HS3ST3A1: variants seen among roughly 807,000 people sequenced by gnomAD.
HS3ST3A1 encodes heparan sulfate glucosamine 3-O-sulfotransferase 3A1.
HS3ST3A1 carries 19 observed loss-of-function variants against 25.7 expected under a neutral mutation model. The ratio of observed to expected loss-of-function variants is 0.74; its 90% CI spans 0.52 to 1.08. The LOEUF is 1.08. HS3ST3A1 is among the 50% of genes least tolerant of loss of function. HS3ST3A1 has a pLI of 0.00. For synonymous variants in HS3ST3A1, 226 were observed against 278.6 expected (o/e 0.81, Z 1.88); for missense variants, 459 against 594.3 (o/e 0.77, Z 2.37).
rs1415100280 is a variant in HS3ST3A1, at chr17:13,508,792, A to C, written c.600-11974T>G. On this transcript the variant is annotated intron_variant, in intron 1 of 1. Coordinates refer to ENST00000284110, the MANE Select transcript of HS3ST3A1 (RefSeq NM_006042.3). ...ACAACACTGAAAACTAAAATTCACA[A>C]ACAACCTAATTATGTCAGAATCTGT... Among the ~76,000 whole-genome samples the C allele has an allele frequency of 3.3e-5, 5 of 152,194 alleles. No individual in the cohort carries two copies. In the East Asian group the frequency reaches 9.6e-4, roughly 29 times the overall value.
chr17:13,583,351 A>G (rs1908165033), intron 1 of HS3ST3A1, among the ~76,000 whole-genome samples: 1 of 151,912 alleles, frequency 6.6e-6, no homozygotes, highest in Non-Finnish European at 1.5e-5. Context: ...AGTTGTGTGG[A>G]GTTTCTGGTC....
intron 1 of HS3ST3A1, among the ~76,000 whole-genome samples, chr17:13,502,813 C>T (rs1393983884): frequency 4.6e-5 from 7 of 150,738 alleles, no homozygotes; most frequent in Admixed American, 2.6e-4. Context: ...TGGAAGGAAA[C>T]GTAGAACATC....
intron 1 of HS3ST3A1, among the ~76,000 whole-genome samples, chr17:13,513,460 T>C (rs780032578): frequency 9.9e-5 from 15 of 152,042 alleles, no homozygotes; most frequent in Non-Finnish European, 2.1e-4. Context: ...ACTTAGAAAA[T>C]TCCCAGAGAA....
intron 1 of HS3ST3A1, among the ~76,000 whole-genome samples, chr17:13,528,398 A>G (rs1367875752): frequency 6.6e-6 from 1 of 152,222 alleles, no homozygotes. Flanking sequence ...TTTAGGCTCC[A>G]TCTCACTCTC....
Position 13,591,021 on chromosome 17 carries a change from T to C in HS3ST3A1, c.599+9510A>G, listed in dbSNP as rs573468082. ...ATTCCAGATTCAGCAAGCGTCCTTC[T>C]GATTACATTTATTTTCTTTTTCTTT... On this transcript the variant is annotated intron_variant, in intron 1 of 1. Coordinates refer to ENST00000284110, the MANE Select transcript of HS3ST3A1 (RefSeq NM_006042.3). 2.5e-3 allele frequency among the ~76,000 whole-genome samples: 374 copies of C among 151,630 alleles called. 1 individual carries two copies. The highest frequency in any genetic ancestry group is 8.6e-3 in the African/African-American group (353 of 41,272).
chr17:13,514,998 A>G (rs986689428), intron 1 of HS3ST3A1, among the ~76,000 whole-genome samples: 2 of 152,242 alleles, frequency 1.3e-5, no homozygotes, highest in Admixed American at 1.3e-4. Flanking sequence ...TTCCTAAACT[A>G]GTACTTACAT....
chr17:13,563,126 C>G (rs147859062), intron 1 of HS3ST3A1, among the ~76,000 whole-genome samples: 147 of 151,664 alleles, frequency 9.7e-4, no homozygotes, highest in African/African-American at 3.3e-3. Context: ...ATCACTTTAT[C>G]TAACCTTCCC....
Position 13,496,380 on chromosome 17 carries a change from G to A in HS3ST3A1, c.1038C>T (p.Thr346=), listed in dbSNP as rs752152515. Residue 346 remains threonine (T), a synonymous_variant, in exon 2 of 2, where the codon ACC becomes ACT. Transcript: ENST00000284110. The part of the protein sequence containing the change: ...ITDKHFYFNK[T]KGFPCLKKAE... The stretch of plus-strand genomic sequence containing the variant: ...CCTTCTTCAGGCAGGGGAAGCCCTT[G>A]GTCTTGTTGAAGTAGAAGTGCTTGT... The A allele has an allele frequency of 4.2e-5, 60 of 1,445,306 alleles. No individual in the cohort carries two copies. Among genetic ancestry groups the A allele is most frequent in the Non-Finnish European group, 5.3e-5 (56 of 1,051,874 alleles). The allele number at this position is 1,445,306 out of a possible 1,614,324, so 89.5% of individuals were successfully genotyped here.
intron 1 of HS3ST3A1, among the ~76,000 whole-genome samples, chr17:13,529,529 G>C (rs752083682): frequency 1.3e-5 from 2 of 152,072 alleles, no homozygotes; most frequent in Non-Finnish European, 2.9e-5. Context: ...GCTTTCCACT[G>C]TCATTGTAAT....
intron 1 of HS3ST3A1, among the ~76,000 whole-genome samples, chr17:13,574,770 C>CA (rs11353885): frequency 6.7e-6 from 1 of 150,068 alleles, no homozygotes; most frequent in Non-Finnish European, 1.5e-5. Context: ...AAAAAACACA[C>CA]AAAAAAAATG....
chr17:13,584,491 G>A lies in HS3ST3A1; in HGVS notation c.599+16040C>T, dbSNP rs376339518. Among the ~76,000 whole-genome samples the A allele has an allele frequency of 8.0e-5, 12 of 149,336 alleles. No homozygotes were observed. In the South Asian group the frequency reaches 8.7e-4, roughly 11 times the overall value. The stretch of plus-strand genomic sequence containing the variant: ...GAAGGAAGGGAGAGACGGAGGGAGG[G>A]AGGGAGGCAAAGAAGGAAGGAAGGA... On this transcript the variant is annotated intron_variant, in intron 1 of 1. Transcript: ENST00000284110.
At chr17:13,574,587 G>A (rs951818298) in intron 1 of HS3ST3A1, among the ~76,000 whole-genome samples, 6 of 151,744 alleles carry the variant, frequency 4.0e-5, no homozygotes, top group African/African-American at 1.4e-4. Context: ...ACATGGTGGC[G>A]GGCGCCTGTA....
At chr17:13,565,090 T>G (rs1025416948) in intron 1 of HS3ST3A1, among the ~76,000 whole-genome samples, 2 of 152,214 alleles carry the variant, frequency 1.3e-5, no homozygotes, top group African/African-American at 4.8e-5. Context: ...TGTTTTTTTC[T>G]TTTCTTTTAT....
At chr17:13,520,676 A>G (rs946158380) in intron 1 of HS3ST3A1, among the ~76,000 whole-genome samples, 6 of 151,458 alleles carry the variant, frequency 4.0e-5, no homozygotes, top group African/African-American at 1.5e-4. Context: ...GTGCAATGGC[A>G]CAATCTCGAC....
At chr17:13,535,354 G>A (rs921976561) in intron 1 of HS3ST3A1, among the ~76,000 whole-genome samples, 7 of 152,104 alleles carry the variant, frequency 4.6e-5, no homozygotes, top group Admixed American at 2.6e-4. Flanking sequence ...TACACTTAGG[G>A]GCCGTTTTAA....
intron 1 of HS3ST3A1, among the ~76,000 whole-genome samples, chr17:13,574,981 C>A (rs906227503): frequency 6.6e-6 from 1 of 152,098 alleles, no homozygotes; most frequent in Non-Finnish European, 1.5e-5. Flanking sequence ...TGTAATGCAT[C>A]CACATATGCT....
rs1453041123 is a variant in HS3ST3A1 at position 13,600,528 on chromosome 17, C to T, written c.599+3G>A. On this transcript the variant is annotated splice_donor_region_variant and intron_variant, in intron 1 of 1. Transcript: ENST00000284110. ...AGCCCCAGCCCGGGCCCGCCCCGCT[C>T]ACCGGTACCAGGCGAGGCCCTTGTC... 1.9e-6 allele frequency: 3 copies of T among 1,593,374 alleles called. No individual in the cohort carries two copies. The highest frequency in any genetic ancestry group is 1.7e-6 in the Non-Finnish European group (2 of 1,175,504).
intron 1 of HS3ST3A1, among the ~76,000 whole-genome samples, chr17:13,558,017 A>G (rs1907428054): frequency 6.6e-6 from 1 of 152,234 alleles, no homozygotes; most frequent in Non-Finnish European, 1.5e-5. Flanking sequence ...ATTAAATACC[A>G]TAAGACCTGG....
At chr17:13,563,791 G>T (rs1213587383) in intron 1 of HS3ST3A1, among the ~76,000 whole-genome samples, 1 of 152,188 alleles carries the variant, frequency 6.6e-6, no homozygotes, top group East Asian at 1.9e-4. Flanking sequence ...TGTCCCTGGA[G>T]TATGCGGTTG....
Sources: gnomAD v4.1 joint callset for allele counts (sites outside exome capture counted in the v4.1 genomes callset) on GRCh38, gnomAD v4.1.1 for gene constraint, MANE v1.5 for transcripts, NCBI Gene and HGNC (gene_info 2026-07-23, HGNC 2026-07-21) for gene names.